Variants in CDC42SE2 observed in about 807,000 individuals in gnomAD.
The protein encoded by CDC42SE2 is CDC42 small effector protein 2.
A neutral mutation model predicts 11.5 loss-of-function variants in CDC42SE2; 3 were observed. That is an observed-to-expected ratio of 0.26 (90% CI 0.12 to 0.67). CDC42SE2 has a LOEUF of 0.67. CDC42SE2 is among the 30% of genes least tolerant of loss of function. CDC42SE2 has a pLI of 0.80. For missense variants in CDC42SE2, 82 were observed against 106.8 expected (o/e 0.77, Z 1.02); for synonymous variants, 33 against 34.8 (o/e 0.95, Z 0.18).
At chr5:131,227,696 G>T in the CDC42SE2 span, among the ~76,000 whole-genome samples, 154 of 152,230 alleles carry the variant, frequency 1.0e-3, no homozygotes, top group Non-Finnish European at 1.6e-3. Context: ...TCAAATATGG[G>T]ATAGTTCAAT....
At chr5:131,385,461 T>TAAAC (rs2149788854) in intron 3 of CDC42SE2, 82 bp from the exon 4 acceptor site, 1 of 937,090 alleles carries the variant, frequency 1.1e-6, no homozygotes, top group Non-Finnish European at 1.6e-6. Flanking sequence ...GCAAATTTAT[T>TAAAC]AAACAGTCAT....
At chr5:131,345,687 C>T (rs1035418201) in intron 2 of CDC42SE2, among the ~76,000 whole-genome samples, 148 of 152,212 alleles carry the variant, frequency 9.7e-4, no homozygotes, top group African/African-American at 3.5e-3. Flanking sequence ...ATCTCCAAGA[C>T]ACATAATTGT....
chr5:131,303,455 G>A (rs113827763), intron 1 of CDC42SE2, among the ~76,000 whole-genome samples: 109 of 152,310 alleles, frequency 7.2e-4, no homozygotes, highest in African/African-American at 2.5e-3. Context: ...AATGTTACTG[G>A]AAGACCTATG....
chr5:131,257,211 G>A (rs1316274418), intron 2 of CDC42SE2, among the ~76,000 whole-genome samples: 4 of 152,088 alleles, frequency 2.6e-5, no homozygotes, highest in Non-Finnish European at 5.9e-5. Flanking sequence ...GTTTGCCATC[G>A]TCCAACTTCA....
At chr5:131,219,117 G>A in the CDC42SE2 span, among the ~76,000 whole-genome samples, 1 of 150,826 alleles carries the variant, frequency 6.6e-6, no homozygotes, top group Non-Finnish European at 1.5e-5. Context: ...CTTGTGATTT[G>A]TCTGCTTTTA....
chr5:131,388,782 T>G (rs949443824), intron 4 of CDC42SE2, among the ~76,000 whole-genome samples: 5 of 152,230 alleles, frequency 3.3e-5, no homozygotes, highest in Admixed American at 2.6e-4. Context: ...AAATACTTTT[T>G]TTTTCTTAGA....
intron 1 of CDC42SE2, among the ~76,000 whole-genome samples, chr5:131,274,231 C>T (rs1174732703): frequency 1.3e-5 from 2 of 152,102 alleles, no homozygotes; most frequent in Non-Finnish European, 2.9e-5. Flanking sequence ...CCCTCTTCTC[C>T]ATCACCCCTC....
the CDC42SE2 span, among the ~76,000 whole-genome samples, chr5:131,236,848 C>T: frequency 6.6e-6 from 1 of 152,304 alleles, no homozygotes; most frequent in East Asian, 1.9e-4. Flanking sequence ...TATGTTACTA[C>T]AATTTCTGTA....
chr5:131,356,916 T>A (rs189711137), intron 2 of CDC42SE2, among the ~76,000 whole-genome samples: 1,810 of 150,964 alleles, frequency 0.012, 39 homozygotes, highest in African/African-American at 0.041. Flanking sequence ...TGAAAAAAAA[T>A]TTTTTTTTTA....
At chr5:131,383,979 T>G (rs1370579426) in intron 3 of CDC42SE2, among the ~76,000 whole-genome samples, 1 of 152,178 alleles carries the variant, frequency 6.6e-6, no homozygotes, top group African/African-American at 2.4e-5. Context: ...AATGTCCACA[T>G]AGGCAGGAAC....
chr5:131,332,742 G>GT (rs1165323322), intron 2 of CDC42SE2, among the ~76,000 whole-genome samples: 3 of 152,122 alleles, frequency 2.0e-5, no homozygotes, highest in East Asian at 1.9e-4. Context: ...TTTTTCATGT[G>GT]TTTTTTGGCT....
chr5:131,348,848 C>T (rs1020409569), intron 2 of CDC42SE2, among the ~76,000 whole-genome samples: 1 of 152,138 alleles, frequency 6.6e-6, no homozygotes, highest in African/African-American at 2.4e-5. Context: ...CATCTACACC[C>T]ATCTGATCTT....
At chr5:131,302,200 A>T (rs1400794648) in intron 1 of CDC42SE2, among the ~76,000 whole-genome samples, 1 of 145,942 alleles carries the variant, frequency 6.9e-6, no homozygotes, top group Non-Finnish European at 1.5e-5. Context: ...TTTTTTTGAG[A>T]CGGAGTTTTG....
At chr5:131,267,966 TA>T (rs1756905421) in intron 1 of CDC42SE2, among the ~76,000 whole-genome samples, 1 of 152,010 alleles carries the variant, frequency 6.6e-6, no homozygotes, top group Non-Finnish European at 1.5e-5. Flanking sequence ...TTAATGTTAG[TA>T]ATGTTTTAGT....
intron 4 of CDC42SE2, among the ~76,000 whole-genome samples, chr5:131,388,723 A>G (rs1750563511): frequency 6.6e-6 from 1 of 152,260 alleles, no homozygotes; most frequent in Non-Finnish European, 1.5e-5. Context: ...AATAAAGGTT[A>G]CTTAAGATAA....
chr5:131,391,937 C>T lies in CDC42SE2; in HGVS notation c.*846C>T, dbSNP rs1420705295. ...AAAAAGAAGTGTGATGGCACCTTGT[C>T]CACCCTGTCGTGATTATTCCAGTGA... On this transcript the variant is annotated 3_prime_UTR_variant, in exon 5 of 5. Transcript: ENST00000505065. The T allele has an allele frequency of 1.3e-5, 2 of 152,084 alleles. No individual in the cohort carries two copies. Among genetic ancestry groups the T allele is most frequent in the African/African-American group, 4.8e-5 (2 of 41,364 alleles). The allele number at this position is 152,084 out of a possible 1,614,324, so 9.4% of individuals were successfully genotyped here.
intron 2 of CDC42SE2, among the ~76,000 whole-genome samples, chr5:131,256,838 A>T (rs1291163088): frequency 6.6e-6 from 1 of 152,154 alleles, no homozygotes; most frequent in African/African-American, 2.4e-5. Flanking sequence ...AAAACTCTTC[A>T]CTTTCAAAGG....
At chr5:131,310,640 G>T (rs879711628) in intron 1 of CDC42SE2, among the ~76,000 whole-genome samples, 1 of 151,646 alleles carries the variant, frequency 6.6e-6, no homozygotes, top group Non-Finnish European at 1.5e-5. Context: ...CCTGTATTGG[G>T]TGCATATATA....
chr5:131,368,318 C>G (rs1749921908), intron 3 of CDC42SE2, among the ~76,000 whole-genome samples: 1 of 151,254 alleles, frequency 6.6e-6, no homozygotes, highest in African/African-American at 2.4e-5. Flanking sequence ...CATTATCAGG[C>G]TTCCCTACAT....
Sources: allele counts gnomAD v4.1 joint callset (sites outside exome capture counted in the v4.1 genomes callset), GRCh38; gene constraint gnomAD v4.1.1; transcripts MANE v1.5; gene names NCBI Gene and HGNC (gene_info 2026-07-23, HGNC 2026-07-21).